Variants in FSTL5 observed in about 807,000 individuals in gnomAD.
FSTL5 encodes the protein follistatin like 5.
In FSTL5, 62 loss-of-function variants were observed where a neutral mutation model predicts 89.1. The ratio of observed to expected loss-of-function variants is 0.70; its 90% confidence interval spans 0.57 to 0.86. The LOEUF is 0.86. Among genes scored for constraint, FSTL5 ranks in the 40% least tolerant of loss-of-function variants. The pLI is 0.00. For synonymous variants in FSTL5, 383 were observed against 346.2 expected (o/e 1.11, Z -1.18); for missense variants, 1,057 against 1,001.6 (o/e 1.06, Z -0.75).
intron 15 of FSTL5, among the ~76,000 whole-genome samples, chr4:161,407,929 A>G (rs1435601059): frequency 2.0e-5 from 3 of 152,194 alleles, no homozygotes; most frequent in Admixed American, 2.0e-4. Context: ...GTGGGTAAAC[A>G]TGAGGAGGTC....
chr4:161,797,162 A>G (rs187932325), intron 4 of FSTL5, among the ~76,000 whole-genome samples: 252 of 151,850 alleles, frequency 1.7e-3, no homozygotes, highest in Non-Finnish European at 2.9e-3. Context: ...AGGTCTCAAC[A>G]TAAACACAAG....
chr4:161,764,690 G>A (rs1393468235), intron 5 of FSTL5, among the ~76,000 whole-genome samples: 1 of 152,116 alleles, frequency 6.6e-6, no homozygotes, highest in African/African-American at 2.4e-5. Context: ...CAGTTGAAGA[G>A]ATATCATTAT....
intron 3 of FSTL5, among the ~76,000 whole-genome samples, chr4:161,984,759 A>G (rs1735916027): frequency 6.6e-6 from 1 of 152,128 alleles, no homozygotes; most frequent in Non-Finnish European, 1.5e-5. Flanking sequence ...AATATCTAAA[A>G]TTAAGGTAAA....
At chr4:161,686,564 G>A (rs1046955700) in intron 6 of FSTL5, among the ~76,000 whole-genome samples, 6 of 150,640 alleles carry the variant, frequency 4.0e-5, no homozygotes, top group Non-Finnish European at 7.4e-5. Flanking sequence ...GTTTCACCGT[G>A]TTATCCAGGA....
intron 6 of FSTL5, among the ~76,000 whole-genome samples, chr4:161,688,996 C>A (rs1016998245): frequency 1.3e-5 from 2 of 152,132 alleles, no homozygotes; most frequent in Non-Finnish European, 2.9e-5. Flanking sequence ...TACTTGAAGT[C>A]ATGAATTACT....
chr4:161,783,250 C>A (rs1437644022), intron 4 of FSTL5, among the ~76,000 whole-genome samples: 2 of 152,096 alleles, frequency 1.3e-5, no homozygotes, highest in South Asian at 2.1e-4. Context: ...TCTTTTAAAT[C>A]ATTATCCTTA....
chr4:161,903,001 CTAAT>C (rs1733415279), intron 4 of FSTL5, among the ~76,000 whole-genome samples: 1 of 152,146 alleles, frequency 6.6e-6, no homozygotes, highest in South Asian at 2.1e-4. Flanking sequence ...ATGGTAAGGT[CTAAT>C]TAATCAGCAC....
intron 9 of FSTL5, among the ~76,000 whole-genome samples, chr4:161,541,295 A>G (rs1164006831): frequency 1.3e-5 from 2 of 152,084 alleles, no homozygotes; most frequent in African/African-American, 4.8e-5. Flanking sequence ...TCAAATGTTG[A>G]GTCTGGAGTG....
chr4:161,579,239 A>G (rs1733341432), intron 8 of FSTL5, among the ~76,000 whole-genome samples: 1 of 152,232 alleles, frequency 6.6e-6, no homozygotes, highest in African/African-American at 2.4e-5. Flanking sequence ...TACATGAAGT[A>G]GTAAAACATT....
At chr4:161,632,036 T>C (rs1258517653) in intron 7 of FSTL5, among the ~76,000 whole-genome samples, 2 of 152,146 alleles carry the variant, frequency 1.3e-5, no homozygotes, top group Non-Finnish European at 2.9e-5. Flanking sequence ...AATTTAATAA[T>C]TATTTTCAAT....
intron 3 of FSTL5, among the ~76,000 whole-genome samples, chr4:161,940,855 A>C (rs1429621993): frequency 1.3e-5 from 2 of 151,890 alleles, no homozygotes; most frequent in African/African-American, 4.8e-5. Context: ...ACACTGATAA[A>C]GGCAACTACA....
intron 3 of FSTL5, among the ~76,000 whole-genome samples, chr4:162,028,669 G>A (rs1737394092): frequency 6.6e-6 from 1 of 152,088 alleles, no homozygotes; most frequent in South Asian, 2.1e-4. Context: ...TCCATTTCAG[G>A]TATTACTTAT....
rs147019706 is a variant in FSTL5 at position 161,721,663 on chromosome 4, C to A, written c.727+37748G>T. On this transcript the variant is annotated intron_variant, in intron 6 of 15. Coordinates refer to ENST00000306100, the MANE Select transcript of FSTL5 (RefSeq NM_020116.5). ...TTCATTCTTTCCTTGTAATGCAAGG[C>A]ATCCAGGGATCAAATTTTGAAAACC... is the stretch of plus-strand genomic sequence containing the variant. 4.6e-5 allele frequency among the ~76,000 whole-genome samples: 7 copies of A among 152,296 alleles called. No homozygotes were observed. The East Asian group carries it at 1.4e-3, about 29-fold the overall frequency.
At chr4:161,564,486 A>G (rs1334208097) in intron 8 of FSTL5, among the ~76,000 whole-genome samples, 2 of 150,176 alleles carry the variant, frequency 1.3e-5, no homozygotes, top group African/African-American at 4.8e-5. Flanking sequence ...ATATTAATTG[A>G]TAACTAATAT....
chr4:161,914,385 G>A (rs1371037834), intron 4 of FSTL5, among the ~76,000 whole-genome samples: 2 of 152,030 alleles, frequency 1.3e-5, no homozygotes, highest in African/African-American at 4.8e-5. Flanking sequence ...TATCACAGGG[G>A]AAAATTTGAC....
At position 161,824,342 on chromosome 4, in the gene FSTL5, G is replaced by A. The variant is rs150658512; in HGVS notation, c.410-48268C>T. ...GCTATAAGTAGTTGGCTTTATTTCT[G>A]GGTTCTCTATTCTGTTCCATTGGCC... On this transcript the variant is annotated intron_variant, in intron 4 of 15. Coordinates refer to ENST00000306100, the MANE Select transcript of FSTL5 (RefSeq NM_020116.5). 7.9e-4 allele frequency among the ~76,000 whole-genome samples: 120 copies of A among 152,196 alleles called. 1 individual carries two copies. Among genetic ancestry groups the A allele is most frequent in the African/African-American group, 2.7e-3 (111 of 41,530 alleles).
intron 8 of FSTL5, among the ~76,000 whole-genome samples, 169 bp from the exon 9 acceptor site, chr4:161,542,862 G>C (rs972491780): frequency 3.9e-5 from 6 of 152,014 alleles, no homozygotes; most frequent in Non-Finnish European, 8.8e-5. Context: ...ATGTACCAGT[G>C]TTACCTGTAT....
At chr4:162,048,371 C>A (rs1296853592) in intron 2 of FSTL5, among the ~76,000 whole-genome samples, 1 of 151,848 alleles carries the variant, frequency 6.6e-6, no homozygotes, top group Non-Finnish European at 1.5e-5. Context: ...CACCTATTCC[C>A]TTGAAAAACA....
At chr4:161,526,818 G>T (rs1300280435) in intron 10 of FSTL5, among the ~76,000 whole-genome samples, 3 of 152,040 alleles carry the variant, frequency 2.0e-5, no homozygotes, top group Non-Finnish European at 4.4e-5. Context: ...CTCTGTTTTG[G>T]TACCAGTACC....
Sources: gnomAD v4.1 joint callset for allele counts (sites outside exome capture counted in the v4.1 genomes callset) on GRCh38, gnomAD v4.1.1 for gene constraint, MANE v1.5 for transcripts, NCBI Gene and HGNC (gene_info 2026-07-23, HGNC 2026-07-21) for gene names.